The following COX7B2 variants were observed in gnomAD, a reference collection of about 807,000 sequenced individuals.
The protein encoded by COX7B2 is cytochrome c oxidase subunit 7B2, also known as cytochrome c oxidase subunit 7B2, mitochondrial.
For synonymous variants in COX7B2, 37 were observed against 32.1 expected, an observed-to-expected ratio of 1.15 and a Z score of -0.51; for missense variants, 109 against 95.9, an observed-to-expected ratio of 1.14 and a Z score of -0.57.
At chr4:46,837,782 T>A (rs1303990678) in intron 2 of COX7B2, among the ~76,000 whole-genome samples, 1 of 152,070 alleles carries the variant, frequency 6.6e-6, no homozygotes, top group African/African-American at 2.4e-5. Context: ...TTCTGCTTTG[T>A]GTGTTCCTAT....
intron 2 of COX7B2, among the ~76,000 whole-genome samples, chr4:46,758,169 T>G (rs756103555): frequency 1.3e-5 from 2 of 151,986 alleles, no homozygotes; most frequent in Non-Finnish European, 1.5e-5. Context: ...ATTATAACAT[T>G]GTTCTATAAA....
chr4:46,908,705 C>A (rs1720553212), intron 1 of COX7B2, among the ~76,000 whole-genome samples: 1 of 128,528 alleles, frequency 7.8e-6, no homozygotes, highest in Admixed American at 8.1e-5. Context: ...TTTCCATTCC[C>A]TCTGGGAGAA....
intron 2 of COX7B2, among the ~76,000 whole-genome samples, chr4:46,841,989 C>T (rs1283332522): frequency 6.6e-6 from 1 of 151,830 alleles, no homozygotes; most frequent in Non-Finnish European, 1.5e-5. Context: ...GTCCAGGAAA[C>T]AAAAAACACA....
chr4:46,868,646 C>A, intron 1 of COX7B2, among the ~76,000 whole-genome samples: 1 of 152,102 alleles, frequency 6.6e-6, no homozygotes, highest in East Asian at 1.9e-4. Flanking sequence ...CACTCAGGGG[C>A]ATGTTGTTTA....
At chr4:46,886,571 T>G (rs913283161) in intron 1 of COX7B2, among the ~76,000 whole-genome samples, 1 of 152,204 alleles carries the variant, frequency 6.6e-6, no homozygotes, top group African/African-American at 2.4e-5. Flanking sequence ...CCTTTGTGTA[T>G]ATTGTGTTGA....
intron 1 of COX7B2, among the ~76,000 whole-genome samples, chr4:46,905,300 T>C (rs1414930983): frequency 6.6e-6 from 1 of 152,174 alleles, no homozygotes; most frequent in African/African-American, 2.4e-5. Flanking sequence ...ACTAAAAGAA[T>C]ACATGTACTC....
intron 2 of COX7B2, among the ~76,000 whole-genome samples, chr4:46,754,722 G>GTATATATATATATATATATATATA (rs1396491793): frequency 2.9e-5 from 1 of 34,118 alleles, no homozygotes; most frequent in Non-Finnish European, 5.0e-5. Flanking sequence ...GTGTGTGTGT[G>GTATATATATATATATATATATATA]TGTGTGTATA....
In COX7B2 at chr4:46,739,119, T is replaced by C. The variant is rs887974129; in HGVS notation, c.-49-3878A>G. On this transcript the variant is annotated intron_variant, in intron 2 of 2. Transcript: ENST00000355591. ...TAAGGAAACTAACATTTATTGAGTATATACCTGTGTGTTAAGACATTGTGC... is the reference window on the plus strand; with the variant it reads ...TAAGGAAACTAACATTTATTGAGTACATACCTGTGTGTTAAGACATTGTGC... Among the ~76,000 whole-genome samples, 7 of 152,116 alleles carry C rather than the reference T, an allele frequency of 4.6e-5. No homozygotes were observed. The South Asian group carries it at 8.3e-4, about 18-fold the overall frequency.
chr4:46,814,921 C>T (rs911372003), intron 2 of COX7B2, among the ~76,000 whole-genome samples: 2 of 152,076 alleles, frequency 1.3e-5, no homozygotes, highest in African/African-American at 2.4e-5. Flanking sequence ...CACGTTGGCT[C>T]ATGCCTGTAA....
intron 2 of COX7B2, among the ~76,000 whole-genome samples, chr4:46,754,497 G>C (rs964246245): frequency 8.2e-6 from 1 of 121,996 alleles, no homozygotes; most frequent in East Asian, 2.5e-4. Flanking sequence ...CTCACTCATA[G>C]TTGGGAACTG....
At chr4:46,803,247 C>T (rs1243129050) in intron 2 of COX7B2, among the ~76,000 whole-genome samples, 2 of 152,076 alleles carry the variant, frequency 1.3e-5, no homozygotes, top group Admixed American at 6.6e-5. Context: ...TGAGGCTTTG[C>T]GCGTAATTTC....
At chr4:46,878,318 T>A (rs1228797368) in intron 1 of COX7B2, among the ~76,000 whole-genome samples, 1 of 151,956 alleles carries the variant, frequency 6.6e-6, no homozygotes, top group Non-Finnish European at 1.5e-5. Context: ...AATCTAGAGA[T>A]CTAATGTATA....
chr4:46,862,999 G>T (rs1717428498), intron 1 of COX7B2, among the ~76,000 whole-genome samples: 1 of 152,044 alleles, frequency 6.6e-6, no homozygotes, highest in African/African-American at 2.4e-5. Flanking sequence ...TTATGAAATT[G>T]TTCTCATCTT....
At chr4:46,828,902 C>T (rs1456542556) in intron 2 of COX7B2, among the ~76,000 whole-genome samples, 1 of 151,988 alleles carries the variant, frequency 6.6e-6, no homozygotes, top group Non-Finnish European at 1.5e-5. Context: ...TTGATAACAG[C>T]GAAGTATAAT....
Position 46,895,460 on chromosome 4 carries a change from G to A in COX7B2, c.-105+13700C>T, listed in dbSNP as rs575673213. 2.4e-4 allele frequency among the ~76,000 whole-genome samples: 36 copies of A among 152,098 alleles called. No individual in the cohort carries two copies. The South Asian group carries it at 7.3e-3, about 31-fold the overall frequency. ...TGATGAGAACTCATGGGCACAAAGAGGAGAACAACAGACACTGGGACCTAC... is the reference window on the plus strand; with the variant it reads ...TGATGAGAACTCATGGGCACAAAGAAGAGAACAACAGACACTGGGACCTAC... On this transcript the variant is annotated intron_variant, in intron 1 of 2. Transcript: ENST00000355591.
At chr4:46,817,819 T>A (rs1180792293) in intron 2 of COX7B2, among the ~76,000 whole-genome samples, 1 of 152,174 alleles carries the variant, frequency 6.6e-6, no homozygotes, top group African/African-American at 2.4e-5. Context: ...GTTTTGTTAC[T>A]GAGAAGAGCT....
chr4:46,907,537 T>C (rs909009350), intron 1 of COX7B2, among the ~76,000 whole-genome samples: 7 of 152,146 alleles, frequency 4.6e-5, no homozygotes, highest in Non-Finnish European at 1.0e-4. Flanking sequence ...TTTATGAAGA[T>C]TTATGAAAAT....
In COX7B2 at chr4:46,742,969, T is replaced by A. The variant is rs186331011; in HGVS notation, c.-49-7728A>T. On this transcript the variant is annotated intron_variant, in intron 2 of 2. Coordinates refer to ENST00000355591, the MANE Select transcript of COX7B2 (RefSeq NM_130902.3). ...ATGGAGCAGATCACATTAAGGTGGTTCACTCATTAAGTACCCATAATATTT... is the reference window on the plus strand; with the variant it reads ...ATGGAGCAGATCACATTAAGGTGGTACACTCATTAAGTACCCATAATATTT... Among the ~76,000 whole-genome samples the A allele has an allele frequency of 2.7e-4, 41 of 152,288 alleles. 1 individual carries two copies. The East Asian group carries it at 7.7e-3, about 29-fold the overall frequency.
intron 2 of COX7B2, among the ~76,000 whole-genome samples, chr4:46,754,502 G>A (rs1715624147): frequency 8.6e-6 from 1 of 116,946 alleles, no homozygotes. Context: ...TCATAGTTGG[G>A]AACTGAACAA....
Sources: gnomAD v4.1 joint callset for allele counts (sites outside exome capture counted in the v4.1 genomes callset) on GRCh38, gnomAD v4.1.1 for gene constraint, MANE v1.5 for transcripts, NCBI Gene and HGNC (gene_info 2026-07-23, HGNC 2026-07-21) for gene names.